Variants in HECW1 observed in about 807,000 individuals in gnomAD.
HECW1 encodes the protein HECT, C2 and WW domain containing E3 ubiquitin protein ligase 1, also known as E3 ubiquitin-protein ligase HECW1.
HECW1 carries 61 observed loss-of-function variants against 182.3 expected under a neutral mutation model. The ratio of observed to expected loss-of-function variants is 0.33; its 90% CI spans 0.27 to 0.41. HECW1 has a LOEUF of 0.41. Ranked by LOEUF, HECW1 falls within the 10% of genes least tolerant of loss-of-function variation. The pLI is 1.00. For synonymous variants in HECW1, 859 were observed against 832.6 expected (o/e 1.03, Z -0.55); for missense variants, 1,739 against 2,108.9 (o/e 0.82, Z 3.44).
intron 6 of HECW1, among the ~76,000 whole-genome samples, chr7:43,374,305 T>G (rs1249869472): frequency 6.6e-6 from 1 of 152,154 alleles, no homozygotes; most frequent in Non-Finnish European, 1.5e-5. Context: ...ATTGTATCTT[T>G]GAAACTTCCT....
chr7:43,349,611 C>T (rs993098552), intron 5 of HECW1, among the ~76,000 whole-genome samples: 1 of 152,138 alleles, frequency 6.6e-6, no homozygotes, highest in Non-Finnish European at 1.5e-5. Flanking sequence ...TACATACTGT[C>T]CCTCTTTGTC....
At chr7:43,382,304 A>G (rs1192869172) in intron 6 of HECW1, among the ~76,000 whole-genome samples, 2 of 152,080 alleles carry the variant, frequency 1.3e-5, no homozygotes, top group Non-Finnish European at 2.9e-5. Flanking sequence ...AAAAAAAAAA[A>G]AATAGAAGCC....
In HECW1 at chr7:43,268,754, T is replaced by TTTG. The variant is rs145099342; in HGVS notation, c.27+24840_27+24842dup. 9.9e-4 allele frequency among the ~76,000 whole-genome samples: 151 copies of TTTG among 151,896 alleles called. 1 individual carries two copies. The highest frequency in any genetic ancestry group is 1.6e-3 in the Non-Finnish European group (107 of 67,974). On this transcript the variant is annotated intron_variant, in intron 3 of 29. Transcript: ENST00000395891. ...TGTGTCATCTTCTCCTGACCTGTGTTTTGTTGTTGTTGTTGTTGTTTGTTT... is the reference window on the plus strand; with the variant it reads ...TGTGTCATCTTCTCCTGACCTGTGTTTTGTTGTTGTTGTTGTTGTTGTTTGTTT...
chr7:43,463,137 A>T (rs1158545413), intron 13 of HECW1, among the ~76,000 whole-genome samples: 3 of 152,210 alleles, frequency 2.0e-5, no homozygotes, highest in Non-Finnish European at 4.4e-5. Context: ...GGGAAGAAAA[A>T]CAAAATGAGC....
At chr7:43,216,285 A>G (rs1236555236) in intron 2 of HECW1, among the ~76,000 whole-genome samples, 1 of 151,956 alleles carries the variant, frequency 6.6e-6, no homozygotes, top group East Asian at 2.0e-4. Flanking sequence ...AGCTGGGACT[A>G]CAGGTGTGCA....
chr7:43,313,670 A>T (rs1808826454), intron 4 of HECW1, among the ~76,000 whole-genome samples: 1 of 152,156 alleles, frequency 6.6e-6, no homozygotes, highest in South Asian at 2.1e-4. Context: ...GTTTTGTTTT[A>T]AATTTGATTG....
At chr7:43,487,900 A>T (rs1316445102) in intron 17 of HECW1, among the ~76,000 whole-genome samples, 1 of 151,960 alleles carries the variant, frequency 6.6e-6, no homozygotes, top group Non-Finnish European at 1.5e-5. Context: ...TTGAGCTTGT[A>T]GTGAGCTATA....
chr7:43,336,013 T>C, intron 5 of HECW1, among the ~76,000 whole-genome samples: 1 of 137,704 alleles, frequency 7.3e-6, no homozygotes, highest in African/African-American at 3.1e-5. Context: ...CCTTTCTCTT[T>C]CTCTTTCTTT....
At chr7:43,347,249 A>T (rs929782290) in intron 5 of HECW1, among the ~76,000 whole-genome samples, 8 of 136,114 alleles carry the variant, frequency 5.9e-5, no homozygotes, top group South Asian at 4.8e-4. Context: ...TAAATTTTTT[A>T]AAATTTAATT....
chr7:43,149,147 C>A (rs1000275187), intron 2 of HECW1, among the ~76,000 whole-genome samples: 4 of 152,036 alleles, frequency 2.6e-5, no homozygotes, highest in African/African-American at 4.8e-5. Context: ...CAATGTATCT[C>A]CCCCTTAAAT....
chr7:43,146,548 A>G (rs1357383346), intron 2 of HECW1, among the ~76,000 whole-genome samples: 1 of 152,236 alleles, frequency 6.6e-6, no homozygotes, highest in Non-Finnish European at 1.5e-5. Flanking sequence ...GAACATTTAC[A>G]GTTGGACCTG....
chr7:43,210,164 G>T (rs1179286739), intron 2 of HECW1, among the ~76,000 whole-genome samples: 1 of 152,128 alleles, frequency 6.6e-6, no homozygotes, highest in Non-Finnish European at 1.5e-5. Context: ...CCTGCAGCTT[G>T]TCCCACTGCC....
At chr7:43,524,355 A>G (rs2080670780) in intron 24 of HECW1, among the ~76,000 whole-genome samples, 1 of 152,226 alleles carries the variant, frequency 6.6e-6, no homozygotes, top group Non-Finnish European at 1.5e-5. Context: ...ATATGAGAAG[A>G]CCAAACCTGA....
intron 24 of HECW1, among the ~76,000 whole-genome samples, chr7:43,532,081 G>T (rs545383754): frequency 6.6e-6 from 1 of 152,306 alleles, no homozygotes; most frequent in Admixed American, 6.5e-5. Flanking sequence ...GTCTGAAAGA[G>T]AACTCTCCAT....
At chr7:43,463,251 GAGT>G (rs1468897951) in intron 13 of HECW1, among the ~76,000 whole-genome samples, 1 of 152,198 alleles carries the variant, frequency 6.6e-6, no homozygotes, top group Non-Finnish European at 1.5e-5. Flanking sequence ...AAATAAAACT[GAGT>G]AGAACTGCTA....
intron 2 of HECW1, among the ~76,000 whole-genome samples, chr7:43,192,478 A>G (rs931886417): frequency 3.3e-5 from 5 of 151,880 alleles, no homozygotes; most frequent in African/African-American, 1.2e-4. Flanking sequence ...GAGTATACAT[A>G]TATCTAATAT....
At chr7:43,455,992 C>G (rs562665701) in intron 12 of HECW1, among the ~76,000 whole-genome samples, 1 of 151,882 alleles carries the variant, frequency 6.6e-6, no homozygotes, top group East Asian at 1.9e-4. Context: ...CAGAGCAAGA[C>G]TCTGTCTCAA....
intron 2 of HECW1, among the ~76,000 whole-genome samples, chr7:43,151,243 G>A (rs953608728): frequency 1.5e-4 from 23 of 152,194 alleles, no homozygotes; most frequent in African/African-American, 5.5e-4. Context: ...GACACTCAGG[G>A]AGGATAACAT....
intron 6 of HECW1, among the ~76,000 whole-genome samples, chr7:43,372,303 A>G (rs1235784087): frequency 6.6e-6 from 1 of 152,154 alleles, no homozygotes; most frequent in Non-Finnish European, 1.5e-5. Flanking sequence ...TTCACTTATC[A>G]TTCTGTGCCT....
Sources: gnomAD v4.1 joint callset for allele counts (sites outside exome capture counted in the v4.1 genomes callset) on GRCh38, gnomAD v4.1.1 for gene constraint, MANE v1.5 for transcripts, NCBI Gene and HGNC (gene_info 2026-07-23, HGNC 2026-07-21) for gene names.